The following DOK6 variants were observed in gnomAD, a reference collection of about 807,000 sequenced individuals.
DOK6 encodes the protein downstream of tyrosine kinase 6.
A neutral mutation model predicts 44.0 loss-of-function variants in DOK6; 22 were observed. The observed-to-expected ratio is 0.50, with a 90% confidence interval of 0.36 to 0.71. The LOEUF (loss-of-function observed/expected upper bound fraction) is 0.71, where lower values mean the gene tolerates loss of function less well. Ranked by LOEUF, DOK6 falls within the 30% of genes least tolerant of loss-of-function variation. The pLI is 0.00. For synonymous variants in DOK6, 166 were observed against 145.5 expected, an observed-to-expected ratio of 1.14 and a Z score of -1.01; for missense variants, 340 against 416.4, an observed-to-expected ratio of 0.82 and a Z score of 1.60.
chr18:69,637,881 G>GT (rs33973960), intron 3 of DOK6, among the ~76,000 whole-genome samples: 224 of 146,360 alleles, frequency 1.5e-3, no homozygotes, highest in Middle Eastern at 3.6e-3. Context: ...AAACTTTTAA[G>GT]TTTTTTTTTT....
At chr18:69,831,368 A>C (rs190048330) in intron 7 of DOK6, among the ~76,000 whole-genome samples, 3 of 152,190 alleles carry the variant, frequency 2.0e-5, no homozygotes, top group African/African-American at 7.2e-5. Context: ...CCTGCCCTCA[A>C]ATACCTACAC....
intron 1 of DOK6, among the ~76,000 whole-genome samples, chr18:69,466,801 G>A (rs994843): frequency 0.073 from 11,059 of 151,376 alleles, 457 homozygotes; most frequent in Middle Eastern, 0.13. Flanking sequence ...GAGGGAGGGA[G>A]GGAGGAAAGA....
intron 1 of DOK6, among the ~76,000 whole-genome samples, chr18:69,544,138 A>C (rs369789637): frequency 6.6e-6 from 1 of 150,846 alleles, no homozygotes; most frequent in African/African-American, 2.4e-5. Context: ...TGCATCTGTA[A>C]TCACAGCTAT....
At chr18:69,424,500 T>C (rs2122413045) in intron 1 of DOK6, among the ~76,000 whole-genome samples, 1 of 152,344 alleles carries the variant, frequency 6.6e-6, no homozygotes, top group African/African-American at 2.4e-5. Flanking sequence ...TTTTAAATAT[T>C]AGTTATTTAC....
intron 1 of DOK6, among the ~76,000 whole-genome samples, chr18:69,484,354 A>G (rs1275905253): frequency 6.6e-6 from 1 of 152,182 alleles, no homozygotes; most frequent in Non-Finnish European, 1.5e-5. Flanking sequence ...ATGCCTGCAT[A>G]GAGATACTCA....
At chr18:69,436,664 G>C (rs1568257125) in intron 1 of DOK6, among the ~76,000 whole-genome samples, 1 of 152,052 alleles carries the variant, frequency 6.6e-6, no homozygotes. Flanking sequence ...TAATCCCTCG[G>C]GTATATACCC....
intron 6 of DOK6, among the ~76,000 whole-genome samples, chr18:69,743,100 C>A (rs1978860302): frequency 6.6e-6 from 1 of 152,200 alleles, no homozygotes; most frequent in African/African-American, 2.4e-5. Flanking sequence ...TCTATACCTT[C>A]TTCATTTTCA....
In DOK6 at chr18:69,730,790, TTC is replaced by T. The variant is rs1342348008; in HGVS notation, c.600-8173_600-8172del. ...GTTCATGATTTCAGTAAATTTTAAT[TTC>T]TGTTTCAAAATGAATTAAAAATTGG... On this transcript the variant is annotated intron_variant, in intron 5 of 7. Transcript: ENST00000382713. Among the ~76,000 whole-genome samples, 9 of 152,138 alleles carry T rather than the reference TTC, an allele frequency of 5.9e-5. No homozygotes were observed. The East Asian group carries it at 1.5e-3, about 26-fold the overall frequency.
At chr18:69,680,793 C>T (rs1311996175) in intron 4 of DOK6, among the ~76,000 whole-genome samples, 5 of 152,214 alleles carry the variant, frequency 3.3e-5, no homozygotes, top group Non-Finnish European at 5.9e-5. Context: ...AACTTGGACC[C>T]TCCCACCCAG....
chr18:69,814,055 C>A (rs1438828095), intron 7 of DOK6, among the ~76,000 whole-genome samples: 2 of 151,556 alleles, frequency 1.3e-5, no homozygotes, highest in Non-Finnish European at 2.9e-5. Context: ...AGAAGAAGGC[C>A]AGGAGTGGCA....
At chr18:69,629,693 C>T (rs996683326) in intron 3 of DOK6, among the ~76,000 whole-genome samples, 1 of 152,168 alleles carries the variant, frequency 6.6e-6, no homozygotes, top group Non-Finnish European at 1.5e-5. Context: ...AGGACTGACT[C>T]CTCCCCCATT....
intron 5 of DOK6, among the ~76,000 whole-genome samples, chr18:69,720,416 T>C (rs562083429): frequency 6.6e-6 from 1 of 152,172 alleles, no homozygotes; most frequent in Non-Finnish European, 1.5e-5. Context: ...TTAAATATGC[T>C]TAAGACAATG....
At chr18:69,755,102 T>A (rs1473648664) in intron 6 of DOK6, among the ~76,000 whole-genome samples, 2 of 152,048 alleles carry the variant, frequency 1.3e-5, no homozygotes, top group Admixed American at 1.3e-4. Context: ...CCTAAAGAAA[T>A]AGAATATCAT....
chr18:69,734,393 C>CAAAAAAAAAAAAA (rs60831756), intron 5 of DOK6, among the ~76,000 whole-genome samples: 7 of 48,504 alleles, frequency 1.4e-4, no homozygotes, highest in Non-Finnish European at 2.3e-4. Flanking sequence ...TTCATAGCAG[C>CAAAAAAAAAAAAA]AAAAAAAAAA....
intron 3 of DOK6, among the ~76,000 whole-genome samples, chr18:69,673,859 T>A (rs964298499): frequency 6.6e-6 from 1 of 152,222 alleles, no homozygotes; most frequent in Non-Finnish European, 1.5e-5. Context: ...TAAAAAACTT[T>A]ATAGAACCCT....
intron 6 of DOK6, 89 bp downstream of exon 6, chr18:69,739,192 T>G: frequency 6.5e-7 from 1 of 1,550,116 alleles, no homozygotes; most frequent in Non-Finnish European, 8.7e-7. Flanking sequence ...GCCATTCATG[T>G]CAGCGCCTGG....
intron 5 of DOK6, among the ~76,000 whole-genome samples, chr18:69,720,085 A>G (rs1218463459): frequency 3.9e-5 from 6 of 152,152 alleles, no homozygotes; most frequent in Non-Finnish European, 1.5e-5. Flanking sequence ...GCCACTCAGG[A>G]GGCTGAGGCA....
At chr18:69,824,585 T>C (rs1263486068) in intron 7 of DOK6, among the ~76,000 whole-genome samples, 1 of 152,190 alleles carries the variant, frequency 6.6e-6, no homozygotes, top group Non-Finnish European at 1.5e-5. Flanking sequence ...GGTTTCAAAC[T>C]CCTAAGCTCA....
chr18:69,638,626 T>A (rs1984866414), intron 3 of DOK6, among the ~76,000 whole-genome samples: 1 of 152,220 alleles, frequency 6.6e-6, no homozygotes, highest in Non-Finnish European at 1.5e-5. Context: ...ACAGATTAAT[T>A]TGAATCAAAT....
Sources: gnomAD v4.1 joint callset for allele counts (sites outside exome capture counted in the v4.1 genomes callset) on GRCh38, gnomAD v4.1.1 for gene constraint, MANE v1.5 for transcripts, NCBI Gene and HGNC (gene_info 2026-07-23, HGNC 2026-07-21) for gene names.